Variants in ZNF559 observed in about 807,000 individuals in gnomAD.
ZNF559 encodes the protein putative protein product of Nbla00121.
A neutral mutation model predicts 14.2 loss-of-function variants in ZNF559; 17 were observed. That is an observed-to-expected ratio of 1.20 (90% CI 0.82 to 1.80). ZNF559 has a LOEUF of 1.80. Ranked by LOEUF, ZNF559 falls within the 40% of genes most tolerant of loss-of-function variation. The probability of loss-of-function intolerance (pLI) is 0.00; values close to 1 mark genes in which losing one functional copy is unlikely to be tolerated. For missense variants in ZNF559, 740 were observed against 629.7 expected (o/e 1.18, Z -1.88); for synonymous variants, 244 against 212.4 (o/e 1.15, Z -1.29).
At position 9,342,262 on chromosome 19, in the gene ZNF559, C is replaced by T; in HGVS notation, c.811C>T (p.His271Tyr). Residue 271 changes from histidine (H) to tyrosine (Y), a missense_variant, in exon 7 of 7, where the codon CAT becomes TAT. Physicochemically the swap from His to Tyr is moderately conservative, Grantham distance 83. Coordinates refer to ENST00000603380, the MANE Select transcript of ZNF559 (RefSeq NM_032497.3). ...TCATAGTAGAGTGTTACCTATAGAA[C>T]ATAAGAAATTTGGCAAAGCCTTTGC... Reference protein sequence around the residue: ...RTHSRVLPIEHKKFGKAFAFS... With the variant: ...RTHSRVLPIEYKKFGKAFAFS... 1.3e-6 allele frequency: 2 copies of T among 1,584,146 alleles called. No individual in the cohort carries two copies. Among genetic ancestry groups the T allele is most frequent in the Non-Finnish European group, 8.5e-7 (1 of 1,169,742 alleles).
intron 2 of ZNF559, among the ~76,000 whole-genome samples, chr19:9,325,020 C>A (rs1029279811): frequency 2.6e-5 from 4 of 152,198 alleles, no homozygotes; most frequent in African/African-American, 4.8e-5. Flanking sequence ...TGTAGATTCC[C>A]CCAGAGGTTC....
At chr19:9,328,704 C>T (rs909887396) in intron 2 of ZNF559, among the ~76,000 whole-genome samples, 5 of 152,028 alleles carry the variant, frequency 3.3e-5, no homozygotes, top group Non-Finnish European at 4.4e-5. Flanking sequence ...ATAGTCTCAG[C>T]GCAAAGTAGG....
intron 5 of ZNF559, among the ~76,000 whole-genome samples, chr19:9,340,619 T>C (rs1433802626): frequency 3.4e-5 from 5 of 147,208 alleles, no homozygotes; most frequent in Non-Finnish European, 7.4e-5. Context: ...CAGGCTGAAA[T>C]GCAGTGGCGC....
In ZNF559 at chr19:9,339,212, A is replaced by T; in HGVS notation, c.53A>T (p.Asp18Val). ...NYSQDSVTFE[D>V]VAVDFTQEEW... ...GTTTAGGACTCAGTGACCTTTGAGG[A>T]TGTGGCTGTGGACTTCACCCAGGAG... Residue 18 changes from aspartate to valine, a missense_variant, in exon 5 of 7, where the codon GAT becomes GTT. Asp to Val is a radical substitution (Grantham distance 152). Transcript: ENST00000603380. 1 of 1,613,862 alleles carries T rather than the reference A, an allele frequency of 6.2e-7. No homozygotes were observed. Among genetic ancestry groups the T allele is most frequent in the Non-Finnish European group, 8.5e-7 (1 of 1,179,866 alleles).
At position 9,344,495 on chromosome 19, in the gene ZNF559, T is replaced by C. The variant is rs548108085; in HGVS notation, c.*1427T>C. 1.3e-5 allele frequency: 2 copies of C among 152,174 alleles called. No individual in the cohort carries two copies. Among genetic ancestry groups the C allele is most frequent in the South Asian group, 2.1e-4 (1 of 4,816 alleles). 9.4% of individuals were successfully genotyped at this position (152,174 alleles called of 1,614,324 possible). ...TCATCTTGACAAAGAATAAATAAGA[T>C]TAACTGGGTGTACTGGTTTGTGCCT... On this transcript the variant is annotated 3_prime_UTR_variant, in exon 7 of 7. Coordinates refer to ENST00000603380, the MANE Select transcript of ZNF559 (RefSeq NM_032497.3).
intron 6 of ZNF559, 191 bp from the exon 7 acceptor site, chr19:9,341,504 C>T (rs920242111): frequency 1.9e-6 from 2 of 1,033,758 alleles, no homozygotes; most frequent in Admixed American, 2.1e-5. Flanking sequence ...AACAGAACTT[C>T]CTGCAGTCAC....
chr19:9,334,175 A>G (rs2067098009), intron 2 of ZNF559, among the ~76,000 whole-genome samples: 1 of 152,230 alleles, frequency 6.6e-6, no homozygotes, highest in Non-Finnish European at 1.5e-5. Flanking sequence ...ATGTCTGTCT[A>G]CAAGAATACA....
intron 3 of ZNF559, 88 bp downstream of exon 3, chr19:9,337,946 T>C (rs2067331510): frequency 1.3e-6 from 2 of 1,535,942 alleles, no homozygotes; most frequent in East Asian, 2.4e-5. Context: ...GAAGAGACTT[T>C]GGGAACAAGA....
intron 2 of ZNF559, among the ~76,000 whole-genome samples, chr19:9,330,425 C>A (rs541566732): frequency 1.3e-5 from 2 of 152,140 alleles, no homozygotes; most frequent in African/African-American, 4.8e-5. Context: ...TCTCTCTGCT[C>A]CCTCTGTAAC....
At chr19:9,325,229 G>A (rs1431436562) in intron 2 of ZNF559, among the ~76,000 whole-genome samples, 1 of 151,974 alleles carries the variant, frequency 6.6e-6, no homozygotes, top group Admixed American at 6.6e-5. Flanking sequence ...AGGATCGCTT[G>A]AGCCCAGGAA....
intron 2 of ZNF559, among the ~76,000 whole-genome samples, chr19:9,327,611 G>T (rs1442118233): frequency 6.6e-6 from 1 of 152,142 alleles, no homozygotes; most frequent in African/African-American, 2.4e-5. Flanking sequence ...ACATTGAGAG[G>T]TTAACAGTTT....
chr19:9,323,831 C>G (rs569400917), upstream of ZNF559: 1 of 322,884 alleles, frequency 3.1e-6, no homozygotes, highest in East Asian at 5.6e-5. Context: ...TATTGGGACT[C>G]ATGAAGGTTC....
chr19:9,340,733 ATTTTT>A (rs201367378), intron 5 of ZNF559, among the ~76,000 whole-genome samples: 2 of 124,654 alleles, frequency 1.6e-5, no homozygotes, highest in Non-Finnish European at 3.3e-5. Flanking sequence ...TGCCTGGCTA[ATTTTT>A]TTTTTTTTTT....
At position 9,344,193 on chromosome 19, in the gene ZNF559, A is replaced by G. The variant is rs1189981170; in HGVS notation, c.*1125A>G. The G allele has an allele frequency of 6.6e-6, 1 of 152,182 alleles. No homozygotes were observed. Among genetic ancestry groups the G allele is most frequent in the African/African-American group, 2.4e-5 (1 of 41,434 alleles). The allele number at this position is 152,182 out of a possible 1,614,324, so 9.4% of individuals were successfully genotyped here. A position where few individuals can be genotyped will look rare whatever the true frequency, so the allele number is the denominator to read the frequency against. On this transcript the variant is annotated 3_prime_UTR_variant, in exon 7 of 7. Transcript: ENST00000603380. ...GAGGCGGAAGCTGCAGTGAGCTCAG[A>G]TCACGCCACTGCACTCCAGCCTGGA...
At chr19:9,325,783 C>T (rs1354220518) in intron 2 of ZNF559, among the ~76,000 whole-genome samples, 3 of 18,620 alleles carry the variant, frequency 1.6e-4, no homozygotes, top group African/African-American at 7.3e-4. Flanking sequence ...GAGACTCCGT[C>T]TCCAAAAAAA....
At chr19:9,339,067 G>A in intron 4 of ZNF559, 126 bp from the exon 5 acceptor site, 2 of 1,308,264 alleles carry the variant, frequency 1.5e-6, no homozygotes, top group Non-Finnish European at 2.2e-6. Context: ...AGAAGAAAGT[G>A]AGGACCATCA....
At chr19:9,327,206 T>G (rs1278533808) in intron 2 of ZNF559, among the ~76,000 whole-genome samples, 1 of 152,124 alleles carries the variant, frequency 6.6e-6, no homozygotes, top group African/African-American at 2.4e-5. Flanking sequence ...CCAACAGCCT[T>G]TCACCCAGTG....
rs76500265 is a variant in ZNF559, at chr19:9,332,357, A to G, written c.-119-5439A>G. On this transcript the variant is annotated intron_variant, in intron 2 of 6. Transcript: ENST00000603380. ...GGTATACATATGTATGTGTGTGTGT[A>G]TATATATATATATCACTGTATTCAT... is the stretch of plus-strand genomic sequence containing the variant. Among the ~76,000 whole-genome samples the G allele has an allele frequency of 2.0e-3, 177 of 90,494 alleles. 2 individuals carry two copies. Among genetic ancestry groups the G allele is most frequent in the African/African-American group, 4.9e-3 (158 of 32,398 alleles). The allele number at this position is 90,494 out of a possible 152,430, so 59.4% of individuals were successfully genotyped here.
chr19:9,341,692 C>G lies in ZNF559; in HGVS notation c.244-3C>G. ...ATGAACCATCATTAATTTTCACCAACAGGAGAGAAACCATTTTGGAGAGGA... is the reference window on the plus strand; with the variant it reads ...ATGAACCATCATTAATTTTCACCAAGAGGAGAGAAACCATTTTGGAGAGGA... On this transcript the variant is annotated splice_polypyrimidine_tract_variant and splice_region_variant and intron_variant, in intron 6 of 6. Coordinates refer to ENST00000603380, the MANE Select transcript of ZNF559 (RefSeq NM_032497.3). 6.3e-7 allele frequency: 1 copy of G among 1,598,108 alleles called. No homozygotes were observed. The highest frequency in any genetic ancestry group is 1.4e-5 in the African/African-American group (1 of 73,760).
Sources: gnomAD v4.1 joint callset for allele counts (sites outside exome capture counted in the v4.1 genomes callset) on GRCh38, gnomAD v4.1.1 for gene constraint, MANE v1.5 for transcripts, NCBI Gene and HGNC (gene_info 2026-07-23, HGNC 2026-07-21) for gene names.